The following SPTAN1 variants were observed in gnomAD, a reference collection of about 807,000 sequenced individuals.
SPTAN1 encodes spectrin alpha, non-erythrocytic 1, also known as spectrin alpha chain, non-erythrocytic 1.
Under a neutral mutation model 331.3 loss-of-function variants are expected in SPTAN1, and 61 were observed. That is an observed-to-expected ratio of 0.18 (90% CI 0.15 to 0.23). SPTAN1 has a LOEUF of 0.23. SPTAN1 is among the 10% of genes least tolerant of loss of function. SPTAN1 has a pLI of 1.00. For synonymous variants in SPTAN1, 1,153 were observed against 1,173.9 expected (o/e 0.98, Z 0.36); for missense variants, 2,043 against 3,147.9 (o/e 0.65, Z 8.40).
chr9:128,626,171 C>T (rs1589387500), intron 48 of SPTAN1, 193 bp downstream of exon 48: 1 of 859,968 alleles, frequency 1.2e-6, no homozygotes, highest in East Asian at 2.6e-5. Flanking sequence ...CATTCAGAAG[C>T]ACGCAGGACA....
chr9:128,611,760 A>T lies in SPTAN1; in HGVS notation c.4820A>T (p.Asn1607Ile). 1 of 1,614,182 alleles carries T rather than the reference A, an allele frequency of 6.2e-7. No homozygotes were observed. The highest frequency in any genetic ancestry group is 8.5e-7 in the Non-Finnish European group (1 of 1,180,034). The change falls in exon 38 of 57, where the codon AAC (asparagine) becomes ATC (isoleucine). Residue 1607 changes from asparagine to isoleucine, a missense_variant. Around this residue, in one of 12 missense-constraint regions of SPTAN1, gnomAD observed 323 missense variants for 581.1 expected, o/e 0.56. Coordinates refer to ENST00000372739, the MANE Select transcript of SPTAN1 (RefSeq NM_001130438.3). ...GCTTTTGAAGCAGAGCTGCATGCCA[A>T]CGCTGACCGGATCCGTGGGGTTATC... is the stretch of plus-strand genomic sequence containing the variant. Reference protein sequence around the residue: ...HQAFEAELHANADRIRGVIDM... With the variant: ...HQAFEAELHAIADRIRGVIDM...
At position 128,632,805 on chromosome 9, in the gene SPTAN1, T is replaced by C. The variant is rs112276354; in HGVS notation, c.7161-3T>C. 1 of 1,613,940 alleles carries C rather than the reference T, an allele frequency of 6.2e-7. No individual in the cohort carries two copies. Among genetic ancestry groups the C allele is most frequent in the African/African-American group, 1.3e-5 (1 of 74,912 alleles). On this transcript the variant is annotated splice_polypyrimidine_tract_variant and splice_region_variant and intron_variant, in intron 55 of 56. Transcript: ENST00000372739. ...CTCAGGCTCTTGCTTCCCCCGCTCC[T>C]AGAGATGGCCATGTCTCCTTGCAAG...
chr9:128,609,075 C>T (rs751794755), intron 35 of SPTAN1, 47 bp from the exon 36 acceptor site: 4 of 1,614,160 alleles, frequency 2.5e-6, no homozygotes, highest in Non-Finnish European at 3.4e-6. Context: ...CTTCCTTCTC[C>T]ACGGTAAGAT....
Position 128,605,031 on chromosome 9 carries a change from T to C in SPTAN1, c.3720-3T>C, listed in dbSNP as rs1166441568. 6.2e-7 allele frequency: 1 copy of C among 1,614,032 alleles called. No individual in the cohort carries two copies. The highest frequency in any genetic ancestry group is 2.2e-5 in the East Asian group (1 of 44,906). ...TCTTAACCTGAATGTGTCTCGCCTTTAGAGATGCTGATGAAACCAAAGAAT... is the reference window on the plus strand; with the variant it reads ...TCTTAACCTGAATGTGTCTCGCCTTCAGAGATGCTGATGAAACCAAAGAAT... On this transcript the variant is annotated splice_region_variant and splice_polypyrimidine_tract_variant and intron_variant, in intron 29 of 56. Transcript: ENST00000372739.
At chr9:128,586,099 C>CAT (rs1852580286) in intron 19 of SPTAN1, 134 bp downstream of exon 19, 2 of 585,484 alleles carry the variant, frequency 3.4e-6, no homozygotes, top group Non-Finnish European at 6.0e-6. Context: ...TTTTGGAATC[C>CAT]ATTTTTCACT....
chr9:128,563,933 C>T (rs569854825), intron 1 of SPTAN1, among the ~76,000 whole-genome samples: 9 of 152,056 alleles, frequency 5.9e-5, no homozygotes, highest in East Asian at 1.9e-4. Flanking sequence ...CCATGGCGCC[C>T]GGCCTATTCA....
chr9:128,611,884 G>A, intron 38 of SPTAN1, 39 bp downstream of exon 38: 2 of 1,613,974 alleles, frequency 1.2e-6, no homozygotes, highest in Non-Finnish European at 1.7e-6. Flanking sequence ...GGAGGAAGAT[G>A]ACCACCGTCA....
intron 1 of SPTAN1, among the ~76,000 whole-genome samples, chr9:128,556,613 T>C (rs1848668246): frequency 6.6e-6 from 1 of 152,250 alleles, no homozygotes; most frequent in African/African-American, 2.4e-5. Flanking sequence ...TTTGATGCAA[T>C]GCAGTATGAA....
rs371776794 is a variant in SPTAN1 at position 128,584,831 on chromosome 9, A to G, written c.2548A>G (p.Met850Val). Residue 850 changes from methionine (M) to valine (V), a missense_variant, in exon 18 of 57, where the codon ATG becomes GTG. This residue lies in a region of SPTAN1 where 1,038 missense variants were observed against 1,531.5 expected (regional missense o/e 0.68). Coordinates refer to ENST00000372739, the MANE Select transcript of SPTAN1 (RefSeq NM_001130438.3). The stretch of plus-strand genomic sequence containing the variant: ...AGCAGTTACACAGAAGGGGAATGCC[A>G]TGGTGGAGGAAGGTGAGTGATTGGT... ...IKAVTQKGNA[M>V]VEEGHFAAED... 1 of 1,614,054 alleles carries G rather than the reference A, an allele frequency of 6.2e-7. No homozygotes were observed. Among genetic ancestry groups the G allele is most frequent in the African/African-American group, 1.3e-5 (1 of 74,922 alleles).
At position 128,592,979 on chromosome 9, in the gene SPTAN1, G is replaced by T. The variant is rs549061995; in HGVS notation, c.3156-4G>T. The T allele has an allele frequency of 6.2e-7, 1 of 1,606,200 alleles. No homozygotes were observed. Among genetic ancestry groups the T allele is most frequent in the South Asian group, 1.1e-5 (1 of 89,388 alleles). On this transcript the variant is annotated splice_region_variant and splice_polypyrimidine_tract_variant and intron_variant, in intron 22 of 56. Coordinates refer to ENST00000372739, the MANE Select transcript of SPTAN1 (RefSeq NM_001130438.3). The stretch of plus-strand genomic sequence containing the variant: ...CATGCTTTTGCTGTGCCCCCTCTGT[G>T]CAGGACACGCATAACTAAGGAGGCC...
chr9:128,598,443 T>G lies in SPTAN1; in HGVS notation c.3458T>G (p.Val1153Gly). Residue 1153 changes from valine (V) to glycine (G), a missense_variant, in exon 25 of 57, where the codon GTA becomes GGA. Around this residue, in one of 12 missense-constraint regions of SPTAN1, gnomAD observed 1,038 missense variants for 1,531.5 expected, o/e 0.68. Coordinates refer to ENST00000372739, the MANE Select transcript of SPTAN1 (RefSeq NM_001130438.3). ...NESRLKDINK[V>G]AEDLESEGLM... is the part of the protein sequence containing the mutation. The stretch of plus-strand genomic sequence containing the variant: ...TCACGGTTGAAGGACATTAACAAGG[T>G]AGCTGAAGACCTGGAGTCTGAAGGT... 1 of 1,613,460 alleles carries G rather than the reference T, an allele frequency of 6.2e-7. No homozygotes were observed. Among genetic ancestry groups the G allele is most frequent in the South Asian group, 1.1e-5 (1 of 90,866 alleles).
At chr9:128,588,437 G>A (rs1852972443) in intron 20 of SPTAN1, among the ~76,000 whole-genome samples, 1 of 146,666 alleles carries the variant, frequency 6.8e-6, no homozygotes, top group African/African-American at 2.5e-5. Context: ...TCATCCTCCC[G>A]AGTAGCTGGG....
intron 45 of SPTAN1, among the ~76,000 whole-genome samples, chr9:128,623,587 C>T (rs909592950): frequency 1.3e-4 from 19 of 150,210 alleles, no homozygotes; most frequent in Non-Finnish European, 2.7e-4. Context: ...TCCTGGGTCA[C>T]TGGGATTACA....
intron 44 of SPTAN1, 129 bp from the exon 45 acceptor site, chr9:128,621,029 C>T (rs1228571982): frequency 3.9e-6 from 3 of 772,976 alleles, no homozygotes; most frequent in Non-Finnish European, 4.6e-6. Flanking sequence ...TTATTATCCT[C>T]TTCCCCAGCT....
rs4837289 is a variant in SPTAN1, at chr9:128,603,791, G to A, written c.3627+201G>A. On this transcript the variant is annotated intron_variant, in intron 28 of 56. Transcript: ENST00000372739. ...TGGTGGCTTTCCTGGTCAAGAGCCT[G>A]CCAGTTCTCAACAGTGGAGCAAGCC... Among the ~76,000 whole-genome samples, 109,972 of 152,192 alleles carry A rather than the reference G, an allele frequency of 0.72. 43,636 individuals carry two copies. The highest frequency in any genetic ancestry group is 0.9 in the Non-Finnish European group (61,248 of 68,020).
At chr9:128,599,883 T>G (rs893393919) in intron 26 of SPTAN1, 197 bp from the exon 27 acceptor site, 1 of 625,112 alleles carries the variant, frequency 1.6e-6, no homozygotes, top group Non-Finnish European at 2.9e-6. Flanking sequence ...TTCTCTCCCC[T>G]GTTTGTTGGC....
chr9:128,617,816 G>A, intron 42 of SPTAN1, 56 bp downstream of exon 42: 1 of 1,612,366 alleles, frequency 6.2e-7, no homozygotes, highest in Non-Finnish European at 8.5e-7. Context: ...GGCCCCAGGG[G>A]ACAGACAAAC....
rs549874619 is a variant in SPTAN1 at position 128,609,569 on chromosome 9, C to G, written c.4759-82C>G. The G allele has an allele frequency of 4.1e-6, 5 of 1,221,888 alleles. No homozygotes were observed. The East Asian group carries it at 1.3e-4, about 31-fold the overall frequency. The allele number at this position is 1,221,888 out of a possible 1,614,324, so 75.7% of individuals were successfully genotyped here. A position where few individuals can be genotyped will look rare whatever the true frequency, so the allele number is the denominator to read the frequency against. ...GCTGAGCTTCCTGGGGGAAGTATGA[C>G]AAAATGAGTTTCTATTTAATAGCTG... is the stretch of plus-strand genomic sequence containing the variant. On this transcript the variant is annotated intron_variant, in intron 36 of 56. Coordinates refer to ENST00000372739, the MANE Select transcript of SPTAN1 (RefSeq NM_001130438.3).
rs1857512985 is a variant in SPTAN1 at position 128,618,891 on chromosome 9, C to T, written c.5621C>T (p.Ser1874Phe). 1 of 1,614,060 alleles carries T rather than the reference C, an allele frequency of 6.2e-7. No individual in the cohort carries two copies. Among genetic ancestry groups the T allele is most frequent in the Non-Finnish European group, 8.5e-7 (1 of 1,180,012 alleles). Residue 1874 changes from serine (S) to phenylalanine (F), a missense_variant, in exon 44 of 57, where the codon TCC (serine) becomes TTC (phenylalanine). Around this residue, in one of 12 missense-constraint regions of SPTAN1, gnomAD observed 323 missense variants for 581.1 expected, o/e 0.56. Transcript: ENST00000372739. ...ATTAGGGGTCAGCGGCTGGAAGAGT[C>T]CTTGGAATATCAGCAGTTTGTAGCC... ...AAARGQRLEE[S>F]LEYQQFVANV...
Sources: allele counts gnomAD v4.1 joint callset (sites outside exome capture counted in the v4.1 genomes callset), GRCh38; gene constraint gnomAD v4.1.1; regional missense constraint gnomAD v4.1.1; transcripts MANE v1.5; gene names NCBI Gene and HGNC (gene_info 2026-07-23, HGNC 2026-07-21).